COL3A1: variants seen among roughly 807,000 people sequenced by gnomAD.
COL3A1 encodes collagen type III alpha 1 chain.
Under a neutral mutation model 200.9 loss-of-function variants are expected in COL3A1, and 46 were observed. The observed-to-expected ratio is 0.23, with a 90% CI of 0.18 to 0.29. The LOEUF (loss-of-function observed/expected upper bound fraction) is 0.29, where lower values mean the gene tolerates loss of function less well. Among genes scored for constraint, COL3A1 ranks in the 10% least tolerant of loss-of-function variants. The pLI, the probability that COL3A1 is intolerant of heterozygous loss-of-function variation, is 1.00. For missense variants in COL3A1, 1,367 were observed against 1,917.6 expected, an observed-to-expected ratio of 0.71 and a Z score of 5.36; for synonymous variants, 650 against 628.0, an observed-to-expected ratio of 1.03 and a Z score of -0.52.
Position 189,009,223 on chromosome 2 carries a change from T to C in COL3A1, c.3823+2T>C. The C allele has an allele frequency of 6.2e-7, 1 of 1,614,080 alleles. No individual in the cohort carries two copies. Among genetic ancestry groups the C allele is most frequent in the Non-Finnish European group, 8.5e-7 (1 of 1,180,032 alleles). On this transcript the variant is annotated splice_donor_variant, in intron 48 of 50. Coordinates refer to ENST00000304636, the MANE Select transcript of COL3A1 (RefSeq NM_000090.4). LOFTEE classifies it high-confidence loss of function. ...TCTGCCATCCTGAACTCAAGAGTGG[T>C]ATGTTTGGTAGTCTTTCATCTTCAT...
chr2:188,981,385 T>A (rs909942222), intron 1 of COL3A1, among the ~76,000 whole-genome samples: 9 of 151,364 alleles, frequency 5.9e-5, no homozygotes, highest in Non-Finnish European at 1.2e-4. Flanking sequence ...AGAATTGTAC[T>A]TCGTAGTAAG....
intron 1 of COL3A1, among the ~76,000 whole-genome samples, chr2:188,983,565 A>G (rs564949298): frequency 6.6e-6 from 1 of 151,978 alleles, no homozygotes; most frequent in Non-Finnish European, 1.5e-5. Flanking sequence ...TTGTGGCTGC[A>G]TGTAGTGCCC....
intron 1 of COL3A1, among the ~76,000 whole-genome samples, chr2:188,983,309 A>AT (rs1687993832): frequency 6.6e-6 from 1 of 151,968 alleles, no homozygotes; most frequent in African/African-American, 2.4e-5. Context: ...AAAAGAATGG[A>AT]TTTTTAAAAC....
In COL3A1 at chr2:188,996,303, T is replaced by TACACACACAC. The variant is rs200204993; in HGVS notation, c.1663-94_1663-93insCACACACACA. ...ATATATGTATATGTATATCTATATA[T>TACACACACAC]ATACACACACACACACACACACACA... is the stretch of plus-strand genomic sequence containing the variant. On this transcript the variant is annotated intron_variant, in intron 23 of 50. Coordinates refer to ENST00000304636, the MANE Select transcript of COL3A1 (RefSeq NM_000090.4). The TACACACACAC allele has an allele frequency of 7.8e-3, 6,048 of 775,118 alleles. 181 individuals are homozygous for TACACACACAC. The African/African-American group carries it at 0.094, about 12-fold the overall frequency. 48.0% of individuals were successfully genotyped at this position (775,118 alleles called of 1,614,324 possible). A position where few individuals can be genotyped will look rare whatever the true frequency, so the allele number is the denominator to read the frequency against.
chr2:189,001,716 AC>A, intron 34 of COL3A1, 127 bp downstream of exon 34: 1 of 930,230 alleles, frequency 1.1e-6, no homozygotes, highest in Admixed American at 1.8e-5. Flanking sequence ...ATCTTCAAAA[AC>A]CATATAAGGA....
At chr2:188,990,186 T>C (rs1438853641) in intron 9 of COL3A1, 37 bp downstream of exon 9, 4 of 1,607,954 alleles carry the variant, frequency 2.5e-6, no homozygotes, top group Non-Finnish European at 3.4e-6. Flanking sequence ...ATTGGAATAA[T>C]CTTAGCTTGA....
chr2:188,998,586 T>C, intron 28 of COL3A1, 88 bp from the exon 29 acceptor site: 2 of 1,348,880 alleles, frequency 1.5e-6, no homozygotes, highest in East Asian at 4.8e-5. Flanking sequence ...TGCTTATATT[T>C]ACATATTTGC....
rs1688666347 is a variant in COL3A1 at position 189,009,212 on chromosome 2, C to T, written c.3814C>T (p.Leu1272Phe). 1 of 1,614,000 alleles carries T rather than the reference C, an allele frequency of 6.2e-7. No individual in the cohort carries two copies. Among genetic ancestry groups the T allele is most frequent in the Non-Finnish European group, 8.5e-7 (1 of 1,180,044 alleles). The change falls in exon 48 of 51, where the codon CTC becomes TTC. Residue 1272 changes from leucine (L) to phenylalanine (F), a missense_variant. By Grantham distance (22) the Leu-to-Phe change is conservative (BLOSUM62 0). Transcript: ENST00000304636. ...AGACCTGAAATTCTGCCATCCTGAA[C>T]TCAAGAGTGGTATGTTTGGTAGTCT... is the stretch of plus-strand genomic sequence containing the variant. Reference protein sequence around the residue: ...CRDLKFCHPELKSGEYWVDPN... With the variant: ...CRDLKFCHPEFKSGEYWVDPN...
At chr2:188,995,490 G>A (rs1430328207) in intron 21 of COL3A1, 3 of 568,576 alleles carry the variant, frequency 5.3e-6, no homozygotes, top group Non-Finnish European at 9.4e-6. Context: ...TATTAAGCAT[G>A]TGATGTTCAC....
At chr2:188,988,336 G>C (rs953197835) in intron 6 of COL3A1, among the ~76,000 whole-genome samples, 11 of 151,926 alleles carry the variant, frequency 7.2e-5, no homozygotes, top group Admixed American at 1.3e-4. Context: ...TTGAAATCTT[G>C]GTAAAATTAA....
chr2:188,987,161 C>T lies in COL3A1; in HGVS notation c.528+22C>T, dbSNP rs16830979. 2.7e-3 allele frequency: 4,324 copies of T among 1,578,558 alleles called. 183 individuals carry two copies. The East Asian group carries it at 0.085, about 31-fold the overall frequency. ...AGCTGTACGTACAAATGTTTCTCAG[C>T]ATTTTGGAGCTTTATTATCTTTCTG... On this transcript the variant is annotated intron_variant, in intron 5 of 50. Transcript: ENST00000304636.
At position 189,009,087 on chromosome 2, in the gene COL3A1, A is replaced by G. The variant is rs750003676; in HGVS notation, c.3689A>G (p.Asn1230Ser). The change falls in exon 48 of 51, where the codon AAC becomes AGC. Residue 1230 changes from asparagine to serine, a missense_variant. Coordinates refer to ENST00000304636, the MANE Select transcript of COL3A1 (RefSeq NM_000090.4). ...GATGAACCAATGGATTTCAAAATCA[A>G]CACCGATGAGATTATGACTTCACTC... ...YGDEPMDFKI[N>S]TDEIMTSLKS... 2 of 1,614,216 alleles carry G rather than the reference A, an allele frequency of 1.2e-6. No individual in the cohort carries two copies. The highest frequency in any genetic ancestry group is 1.7e-6 in the Non-Finnish European group (2 of 1,180,030).
chr2:188,998,460 C>T, intron 28 of COL3A1, 141 bp downstream of exon 28: 2 of 943,274 alleles, frequency 2.1e-6, no homozygotes, highest in South Asian at 1.5e-5. Flanking sequence ...AAAACAAAGA[C>T]AAATTATTTA....
chr2:188,995,870 A>T (rs1428792273), intron 22 of COL3A1, 80 bp downstream of exon 22: 1 of 1,232,760 alleles, frequency 8.1e-7, no homozygotes, highest in Non-Finnish European at 1.2e-6. Context: ...ATCAAAAGCA[A>T]CTTAAATCAA....
chr2:188,990,922 G>T lies in COL3A1; in HGVS notation c.799-82G>T, dbSNP rs986074102. 8.3e-6 allele frequency: 12 copies of T among 1,445,390 alleles called. No individual in the cohort carries two copies. In the African/African-American group the frequency reaches 1.5e-4, roughly 19 times the overall value. The allele number at this position is 1,445,390 out of a possible 1,614,324, so 89.5% of individuals were successfully genotyped here. On this transcript the variant is annotated intron_variant, in intron 10 of 50. Transcript: ENST00000304636. Reference sequence around the variant, plus strand: ...CAAGTAGTGTTATGAAGACCAATTAGAAAAATACCATGTAAACTTTATCAA... The same window carrying T: ...CAAGTAGTGTTATGAAGACCAATTATAAAAATACCATGTAAACTTTATCAA...
intron 47 of COL3A1, chr2:189,008,612 T>A (rs1688648994): frequency 2.1e-6 from 1 of 477,602 alleles, no homozygotes; most frequent in East Asian, 4.0e-5. Context: ...CTCTGTCATG[T>A]CAATATTGGA....
At chr2:188,988,387 C>T (rs1313242780) in intron 6 of COL3A1, among the ~76,000 whole-genome samples, 1 of 152,026 alleles carries the variant, frequency 6.6e-6, no homozygotes, top group Non-Finnish European at 1.5e-5. Context: ...TAGTTCAAAA[C>T]CATTCAGTTT....
intron 1 of COL3A1, among the ~76,000 whole-genome samples, chr2:188,981,152 C>CA (rs1210525696): frequency 6.0e-5 from 9 of 151,212 alleles, no homozygotes; most frequent in East Asian, 5.8e-4. Context: ...AGAATGGAAA[C>CA]AAAAAAATCA....
chr2:188,981,082 A>G (rs1418338742), intron 1 of COL3A1, among the ~76,000 whole-genome samples: 1 of 151,504 alleles, frequency 6.6e-6, no homozygotes, highest in Non-Finnish European at 1.5e-5. Flanking sequence ...TAAGACAAAC[A>G]TAACATTCAT....
Sources: gnomAD v4.1 joint callset for allele counts (sites outside exome capture counted in the v4.1 genomes callset) on GRCh38, gnomAD v4.1.1 for gene constraint, MANE v1.5 for transcripts, NCBI Gene and HGNC (gene_info 2026-07-23, HGNC 2026-07-21) for gene names.